The following TIAM1 variants were observed in gnomAD, a reference collection of about 807,000 sequenced individuals.
TIAM1 encodes the protein rho guanine nucleotide exchange factor TIAM1.
A neutral mutation model predicts 163.5 loss-of-function variants in TIAM1; 65 were observed. The observed-to-expected ratio is 0.40, with a 90% confidence interval of 0.33 to 0.49. The LOEUF (loss-of-function observed/expected upper bound fraction) is 0.49. Among genes scored for constraint, TIAM1 ranks in the 20% least tolerant of loss-of-function variants. The pLI, the probability that TIAM1 is intolerant of heterozygous loss-of-function variation, is 0.77. For synonymous variants in TIAM1, 833 were observed against 810.1 expected (o/e 1.03, Z -0.48); for missense variants, 1,789 against 2,044.7 (o/e 0.87, Z 2.41).
intron 23 of TIAM1, among the ~76,000 whole-genome samples, chr21:31,132,153 G>T (rs1002444384): frequency 1.3e-5 from 2 of 152,320 alleles, no homozygotes; most frequent in South Asian, 2.1e-4. Flanking sequence ...AATTCTCAGG[G>T]ATGGGCCACC....
intron 1 of TIAM1, among the ~76,000 whole-genome samples, chr21:31,478,196 C>G (rs2045996632): frequency 6.6e-6 from 1 of 152,184 alleles, no homozygotes; most frequent in African/African-American, 2.4e-5. Context: ...TACTACATAA[C>G]AATTTATAAA....
intron 2 of TIAM1, among the ~76,000 whole-genome samples, chr21:31,355,189 A>C (rs1365695220): frequency 2.0e-5 from 3 of 149,616 alleles, no homozygotes; most frequent in Non-Finnish European, 4.5e-5. Context: ...AAAAAAAAAA[A>C]GGTAGCGGCT....
chr21:31,512,643 G>A (rs1381390543), intron 1 of TIAM1, among the ~76,000 whole-genome samples: 1 of 142,414 alleles, frequency 7.0e-6, no homozygotes, highest in Non-Finnish European at 1.5e-5. Flanking sequence ...TTTGAGACAG[G>A]GTCTCACTCT....
chr21:31,412,979 G>A (rs1271150968), intron 2 of TIAM1, among the ~76,000 whole-genome samples: 1 of 152,006 alleles, frequency 6.6e-6, no homozygotes, highest in Non-Finnish European at 1.5e-5. Context: ...CCATAGACAG[G>A]TACTGGTCCA....
At chr21:31,435,753 A>T (rs1466129174) in intron 2 of TIAM1, among the ~76,000 whole-genome samples, 30 of 152,312 alleles carry the variant, frequency 2.0e-4, no homozygotes, top group African/African-American at 7.0e-4. Flanking sequence ...GAGAGGTGGG[A>T]CCTTTAAGAG....
chr21:31,399,924 A>G (rs780284693), intron 2 of TIAM1, among the ~76,000 whole-genome samples: 5 of 152,204 alleles, frequency 3.3e-5, no homozygotes, highest in Admixed American at 6.5e-5. Context: ...GAATGTTGAC[A>G]CTTTCATTGA....
chr21:31,268,343 C>T (rs2072895392), intron 3 of TIAM1, among the ~76,000 whole-genome samples: 1 of 152,146 alleles, frequency 6.6e-6, no homozygotes, highest in Non-Finnish European at 1.5e-5. Context: ...GTGATATTAC[C>T]GTGATCATTG....
At chr21:31,191,234 T>C (rs2085548276) in intron 13 of TIAM1, among the ~76,000 whole-genome samples, 3 of 152,026 alleles carry the variant, frequency 2.0e-5, no homozygotes, top group African/African-American at 7.2e-5. Flanking sequence ...CAATCTCAGC[T>C]CACTGCAACC....
chr21:31,154,121 C>G, intron 17 of TIAM1, 126 bp downstream of exon 17: 2 of 1,118,278 alleles, frequency 1.8e-6, no homozygotes, highest in Non-Finnish European at 2.5e-6. Context: ...AGGCAAAATT[C>G]CAGGAGAAAC....
chr21:31,261,022 G>A (rs942031785), intron 4 of TIAM1, among the ~76,000 whole-genome samples: 3 of 152,002 alleles, frequency 2.0e-5, no homozygotes, highest in African/African-American at 4.8e-5. Context: ...TTGAAGCTCA[G>A]TTGCAAAATA....
chr21:31,527,114 C>T (rs1569413272), intron 1 of TIAM1, among the ~76,000 whole-genome samples: 1 of 152,152 alleles, frequency 6.6e-6, no homozygotes, highest in Non-Finnish European at 1.5e-5. Context: ...AACACAGAGA[C>T]TAGATTTAAC....
chr21:31,195,666 T>C (rs2085809620), intron 12 of TIAM1, among the ~76,000 whole-genome samples: 1 of 152,182 alleles, frequency 6.6e-6, no homozygotes, highest in Non-Finnish European at 1.5e-5. Flanking sequence ...TGGTATGGAA[T>C]TCATGGAAAT....
intron 2 of TIAM1, among the ~76,000 whole-genome samples, chr21:31,328,986 A>G (rs139643240): frequency 6.6e-6 from 1 of 152,196 alleles, no homozygotes; most frequent in Non-Finnish European, 1.5e-5. Flanking sequence ...ACAATACAGT[A>G]TAACAACTAT....
rs368023863 is a variant in TIAM1 at position 31,310,092 on chromosome 21, C to A, written c.-189+29151G>T. On this transcript the variant is annotated intron_variant, in intron 2 of 27. Coordinates refer to ENST00000541036, the MANE Select transcript of TIAM1 (RefSeq NM_001353694.2). ...AGATGCTAAATCAATTCCTTTTTCA[C>A]CTGGGAAGTAAGGAAATGTACATTT... Among the ~76,000 whole-genome samples the A allele has an allele frequency of 5.9e-5, 9 of 152,310 alleles. No homozygotes were observed. In the East Asian group the frequency reaches 1.5e-3, roughly 26 times the overall value.
At chr21:31,128,006 T>TA (rs1352313844) in intron 25 of TIAM1, among the ~76,000 whole-genome samples, 1 of 152,196 alleles carries the variant, frequency 6.6e-6, no homozygotes, top group Non-Finnish European at 1.5e-5. Flanking sequence ...GGGACAATTT[T>TA]AAAATAATTT....
chr21:31,293,099 C>T (rs2074095108), intron 2 of TIAM1, among the ~76,000 whole-genome samples: 1 of 152,188 alleles, frequency 6.6e-6, no homozygotes, highest in Admixed American at 6.5e-5. Context: ...GTTGGGACTA[C>T]AGGTGTGAGC....
At chr21:31,524,455 G>C (rs1168053638) in intron 1 of TIAM1, among the ~76,000 whole-genome samples, 3 of 152,182 alleles carry the variant, frequency 2.0e-5, no homozygotes. Context: ...AACACCGGGA[G>C]TTAATCTTAA....
At chr21:31,372,256 T>C (rs778857284) in intron 2 of TIAM1, among the ~76,000 whole-genome samples, 3 of 152,200 alleles carry the variant, frequency 2.0e-5, no homozygotes, top group Admixed American at 6.5e-5. Flanking sequence ...ATAGGCACCA[T>C]AGCAATCACT....
chr21:31,247,126 T>C (rs2071543280), intron 5 of TIAM1, among the ~76,000 whole-genome samples: 1 of 151,654 alleles, frequency 6.6e-6, no homozygotes, highest in Non-Finnish European at 1.5e-5. Context: ...TCAACACCAG[T>C]GTGGGCAATA....
Sources: allele counts gnomAD v4.1 joint callset (sites outside exome capture counted in the v4.1 genomes callset), GRCh38; gene constraint gnomAD v4.1.1; transcripts MANE v1.5; gene names NCBI Gene and HGNC (gene_info 2026-07-23, HGNC 2026-07-21).